Variants in SNX1 observed in about 807,000 individuals in gnomAD.
SNX1 encodes the protein sorting nexin-1.
SNX1 carries 36 observed loss-of-function variants against 71.8 expected under a neutral mutation model. The ratio of observed to expected loss-of-function variants is 0.50; its 90% confidence interval spans 0.38 to 0.66. The LOEUF (loss-of-function observed/expected upper bound fraction) is 0.66. Among genes scored for constraint, SNX1 ranks in the 30% least tolerant of loss-of-function variants. The pLI is 0.00. For synonymous variants in SNX1, 254 were observed against 240.7 expected, an observed-to-expected ratio of 1.06 and a Z score of -0.51; for missense variants, 612 against 646.7, an observed-to-expected ratio of 0.95 and a Z score of 0.58.
chr15:64,125,425 A>G (rs192676069), intron 5 of SNX1, among the ~76,000 whole-genome samples: 2 of 147,618 alleles, frequency 1.4e-5, no homozygotes, highest in East Asian at 4.0e-4. Context: ...AGATTGCACC[A>G]CTGCACTCCA....
chr15:64,124,250 TA>T (rs1465972682), intron 5 of SNX1, among the ~76,000 whole-genome samples: 1 of 149,778 alleles, frequency 6.7e-6, no homozygotes, highest in African/African-American at 2.5e-5. Flanking sequence ...CTCACGCCTG[TA>T]ATTCCAGCAC....
chr15:64,130,341 A>G lies in SNX1; in HGVS notation c.1015+20A>G. ...GGAAAGGTAACAAGCTCTGAAATGC[A>G]CTTGGAGCTAGGGGAAATTGTTGTC... is the stretch of plus-strand genomic sequence containing the variant. On this transcript the variant is annotated intron_variant, in intron 10 of 14. Transcript: ENST00000559844. 2.5e-6 allele frequency: 4 copies of G among 1,588,854 alleles called. No individual in the cohort carries two copies. The highest frequency in any genetic ancestry group is 3.5e-6 in the Non-Finnish European group (4 of 1,157,124).
At chr15:64,109,772 G>A (rs375591666) in intron 1 of SNX1, among the ~76,000 whole-genome samples, 3 of 152,072 alleles carry the variant, frequency 2.0e-5, no homozygotes, top group African/African-American at 7.2e-5. Context: ...CCTCCCAAAG[G>A]TTGTCTGCCC....
intron 5 of SNX1, among the ~76,000 whole-genome samples, chr15:64,124,675 T>C (rs1253891632): frequency 6.6e-6 from 1 of 152,176 alleles, no homozygotes; most frequent in African/African-American, 2.4e-5. Flanking sequence ...TTTCTGGTTT[T>C]TGTAACTGGG....
chr15:64,100,735 G>A (rs2080952135), intron 1 of SNX1, among the ~76,000 whole-genome samples: 1 of 152,100 alleles, frequency 6.6e-6, no homozygotes, highest in Non-Finnish European at 1.5e-5. Flanking sequence ...GAAAGGACAT[G>A]GTCTTTTCAG....
At chr15:64,109,052 G>C (rs1202050083) in intron 1 of SNX1, among the ~76,000 whole-genome samples, 1 of 151,096 alleles carries the variant, frequency 6.6e-6, no homozygotes, top group African/African-American at 2.4e-5. Context: ...CGAGAGAAAG[G>C]GTTAACATAC....
chr15:64,107,420 T>C (rs1045218538), intron 1 of SNX1, among the ~76,000 whole-genome samples: 3 of 152,206 alleles, frequency 2.0e-5, no homozygotes, highest in Non-Finnish European at 2.9e-5. Flanking sequence ...CTTAAAGTAG[T>C]GAATGGCTTC....
intron 1 of SNX1, among the ~76,000 whole-genome samples, chr15:64,098,383 G>C (rs963183758): frequency 4.6e-5 from 7 of 152,298 alleles, no homozygotes; most frequent in South Asian, 2.1e-4. Flanking sequence ...GGAAGAGTGA[G>C]GAGTTATTTT....
chr15:64,136,970 T>TTTGGAGCAGGCAGTA, intron 14 of SNX1, 38 bp downstream of exon 14: 1 of 1,565,806 alleles, frequency 6.4e-7, no homozygotes, highest in South Asian at 1.1e-5. Context: ...CTCTACTGCC[T>TTTGGAGCAGGCAGTA]GCTCCAAAGG....
rs182136461 is a variant in SNX1 at position 64,115,683 on chromosome 15, C to T, written c.272-2434C>T. 74 of 244,708 alleles carry T rather than the reference C, an allele frequency of 3.0e-4. 1 individual carries two copies. The Admixed American group carries it at 3.7e-3, about 12-fold the overall frequency. 15.2% of individuals were successfully genotyped at this position (244,708 alleles called of 1,614,324 possible). The stretch of plus-strand genomic sequence containing the variant: ...GGCTCAAGTGATCTTCCCACCTCAA[C>T]CTTCTGAGTAGCTAGGACCACAGGT... On this transcript the variant is annotated intron_variant, in intron 2 of 14. Transcript: ENST00000559844.
intron 1 of SNX1, among the ~76,000 whole-genome samples, chr15:64,109,975 C>A (rs2081062776): frequency 6.6e-6 from 1 of 152,184 alleles, no homozygotes; most frequent in African/African-American, 2.4e-5. Context: ...AAGAATCTAT[C>A]CCAAGAAAAT....
chr15:64,109,074 A>G (rs148796526), intron 1 of SNX1, among the ~76,000 whole-genome samples: 2 of 151,790 alleles, frequency 1.3e-5, no homozygotes, highest in African/African-American at 4.8e-5. Flanking sequence ...TCTGTGTAAG[A>G]AAAATGCAGA....
rs1427789861 is a variant in SNX1 at position 64,140,071 on chromosome 15, G to A, written c.*2453G>A. 2.6e-5 allele frequency: 4 copies of A among 152,292 alleles called. No individual in the cohort carries two copies. The highest frequency in any genetic ancestry group is 2.1e-4 in the South Asian group (1 of 4,824). The allele number at this position is 152,292 out of a possible 1,614,324, so 9.4% of individuals were successfully genotyped here. On this transcript the variant is annotated 3_prime_UTR_variant, in exon 15 of 15. Transcript: ENST00000559844. ...CTGCCAGATTTCATTTTAAATTTAC[G>A]ATTTCCTCTTTGTAATTTACAAGTA... is the stretch of plus-strand genomic sequence containing the variant.
At chr15:64,108,352 T>C (rs922876530) in intron 1 of SNX1, among the ~76,000 whole-genome samples, 1 of 152,184 alleles carries the variant, frequency 6.6e-6, no homozygotes, top group African/African-American at 2.4e-5. Context: ...TTCTATACTT[T>C]AATAATACTA....
At chr15:64,108,202 A>T (rs1166614465) in intron 1 of SNX1, among the ~76,000 whole-genome samples, 1 of 152,072 alleles carries the variant, frequency 6.6e-6, no homozygotes, top group Non-Finnish European at 1.5e-5. Context: ...CAAAAAAAAA[A>T]AAAAGGTTAT....
Position 64,095,999 on chromosome 15 carries a change from C to A in SNX1, c.-15C>A. 1 of 1,594,348 alleles carries A rather than the reference C, an allele frequency of 6.3e-7. No homozygotes were observed. ...ATAAAGTTGTTGTTGCGGCTTCCGC[C>A]GCGGGTGGAAGAAGATGGCGTCGGG... On this transcript the variant is annotated 5_prime_UTR_variant, in exon 1 of 15. Coordinates refer to ENST00000559844, the MANE Select transcript of SNX1 (RefSeq NM_003099.5).
chr15:64,123,617 A>T (rs2081217657), intron 5 of SNX1, 71 bp downstream of exon 5: 1 of 1,258,866 alleles, frequency 7.9e-7, no homozygotes, highest in Admixed American at 1.7e-5. Context: ...CATCATTCAG[A>T]TTATTTCTGG....
At chr15:64,119,538 A>G (rs951691062) in intron 4 of SNX1, among the ~76,000 whole-genome samples, 4 of 152,154 alleles carry the variant, frequency 2.6e-5, no homozygotes, top group African/African-American at 9.7e-5. Context: ...AGCCAGGCCA[A>G]CATGGTGAAA....
At chr15:64,114,964 A>C (rs1480608294) in intron 2 of SNX1, among the ~76,000 whole-genome samples, 1 of 152,164 alleles carries the variant, frequency 6.6e-6, no homozygotes, top group Non-Finnish European at 1.5e-5. Context: ...AACGTAGCAA[A>C]ACCTCGTCTC....
Sources: allele counts gnomAD v4.1 joint callset (sites outside exome capture counted in the v4.1 genomes callset), GRCh38; gene constraint gnomAD v4.1.1; transcripts MANE v1.5; gene names NCBI Gene and HGNC (gene_info 2026-07-23, HGNC 2026-07-21).